MYT1L: variants seen among roughly 807,000 people sequenced by gnomAD.
MYT1L encodes the protein myelin transcription factor 1 like.
Under a neutral mutation model 126.7 loss-of-function variants are expected in MYT1L, and 12 were observed. That is an observed-to-expected ratio of 0.09 (90% CI 0.06 to 0.15). The LOEUF (loss-of-function observed/expected upper bound fraction) is 0.15. Ranked by LOEUF, MYT1L falls within the 10% of genes least tolerant of loss-of-function variation. MYT1L has a pLI of 1.00. For missense variants in MYT1L, 979 were observed against 1,585.2 expected (o/e 0.62, Z 6.49); for synonymous variants, 541 against 604.2 (o/e 0.90, Z 1.53).
At chr2:2,137,872 C>A (rs937817954) in intron 3 of MYT1L, among the ~76,000 whole-genome samples, 2 of 152,034 alleles carry the variant, frequency 1.3e-5, no homozygotes, top group African/African-American at 4.8e-5. Flanking sequence ...TTCTGCACAG[C>A]AAAAGAAACT....
intron 5 of MYT1L, among the ~76,000 whole-genome samples, chr2:1,995,669 G>T (rs957605031): frequency 5.9e-5 from 9 of 152,136 alleles, no homozygotes; most frequent in African/African-American, 1.9e-4. Flanking sequence ...CTCCCGTGTG[G>T]GTTCGAAGCA....
At chr2:1,827,646 G>A (rs1161785277) in intron 21 of MYT1L, 1 of 152,154 alleles carries the variant, frequency 6.6e-6, no homozygotes, top group Non-Finnish European at 1.5e-5. Flanking sequence ...TGTGGAATTT[G>A]GAATCATCAT....
chr2:2,179,796 C>A (rs1487701631), intron 2 of MYT1L, among the ~76,000 whole-genome samples: 1 of 152,200 alleles, frequency 6.6e-6, no homozygotes, highest in East Asian at 1.9e-4. Context: ...GTTTAAGCTG[C>A]TTTGTCCTCT....
At chr2:1,975,544 C>A (rs1225954278) in intron 8 of MYT1L, among the ~76,000 whole-genome samples, 2 of 152,124 alleles carry the variant, frequency 1.3e-5, no homozygotes, top group Non-Finnish European at 2.9e-5. Context: ...TCCTGGCCAA[C>A]ATTGTGAAAC....
intron 1 of MYT1L, among the ~76,000 whole-genome samples, chr2:2,320,724 T>C (rs1225159430): frequency 6.6e-6 from 1 of 152,210 alleles, no homozygotes; most frequent in Non-Finnish European, 1.5e-5. Context: ...ACCTAGTTTC[T>C]ACATTTCCAA....
chr2:1,989,794 C>G (rs11127294), intron 5 of MYT1L, among the ~76,000 whole-genome samples: 32,637 of 152,026 alleles, frequency 0.21, 3,840 homozygotes, highest in East Asian at 0.38. Flanking sequence ...GTCAGGAGTT[C>G]GAGACCAGCC....
chr2:1,871,426 T>C (rs1442145048), intron 18 of MYT1L, among the ~76,000 whole-genome samples: 2 of 152,234 alleles, frequency 1.3e-5, no homozygotes, highest in Non-Finnish European at 2.9e-5. Flanking sequence ...TACCAATTCA[T>C]GCCCTGCAGC....
At position 2,281,222 on chromosome 2, in the gene MYT1L, C is replaced by G. The variant is rs140027899; in HGVS notation, c.-421+3182G>C. 6.3e-3 allele frequency among the ~76,000 whole-genome samples: 955 copies of G among 152,284 alleles called. 7 individuals are homozygous for G. Among genetic ancestry groups the G allele is most frequent in the Non-Finnish European group, 8.9e-3 (608 of 68,030 alleles). On this transcript the variant is annotated intron_variant, in intron 2 of 24. Transcript: ENST00000647738. ...CTTCTCCTTCCTGTGAAGAAGATGC[C>G]TTTCTTCAGCTTTGCCTTCTGCCGT... is the stretch of plus-strand genomic sequence containing the variant.
intron 18 of MYT1L, among the ~76,000 whole-genome samples, chr2:1,857,193 C>G (rs1485914525): frequency 6.6e-6 from 1 of 152,206 alleles, no homozygotes; most frequent in African/African-American, 2.4e-5. Flanking sequence ...CGGGCCAAGA[C>G]CCAGTGGGTC....
intron 2 of MYT1L, among the ~76,000 whole-genome samples, chr2:2,183,277 C>G (rs2091734969): frequency 6.6e-6 from 1 of 151,950 alleles, no homozygotes; most frequent in African/African-American, 2.4e-5. Context: ...GAGGAACGAA[C>G]CTGGGGGAAG....
At position 1,833,037 on chromosome 2, in the gene MYT1L, G is replaced by A. The variant is rs187651187; in HGVS notation, c.3080+6112C>T. Among the ~76,000 whole-genome samples, 361 of 152,320 alleles carry A rather than the reference G, an allele frequency of 2.4e-3. 3 individuals are homozygous for A. The highest frequency in any genetic ancestry group is 8.1e-3 in the African/African-American group (336 of 41,568). ...GCCGAATGAGATGAATGAATGACAC[G>A]TCTGTCGGCGGCTTAGGGGGAGGGT... is the stretch of plus-strand genomic sequence containing the variant. On this transcript the variant is annotated intron_variant, in intron 21 of 24. Coordinates refer to ENST00000647738, the MANE Select transcript of MYT1L (RefSeq NM_001303052.2).
chr2:2,274,841 A>G (rs1395442903), intron 2 of MYT1L, among the ~76,000 whole-genome samples: 2 of 152,204 alleles, frequency 1.3e-5, no homozygotes, highest in Non-Finnish European at 2.9e-5. Context: ...GAGCATGGGC[A>G]GAGGCTGACT....
chr2:2,094,662 T>C (rs969736892), intron 3 of MYT1L, among the ~76,000 whole-genome samples: 2 of 150,398 alleles, frequency 1.3e-5, no homozygotes, highest in African/African-American at 4.9e-5. Flanking sequence ...CTCAGCAAAC[T>C]ATCACAAGGA....
intron 2 of MYT1L, among the ~76,000 whole-genome samples, chr2:2,263,330 C>T (rs749336084): frequency 6.6e-6 from 1 of 151,974 alleles, no homozygotes; most frequent in Non-Finnish European, 1.5e-5. Flanking sequence ...GGGTTAACGA[C>T]GCCCTCTGCT....
chr2:2,155,499 T>C (rs1356432036), intron 3 of MYT1L, among the ~76,000 whole-genome samples: 1 of 152,204 alleles, frequency 6.6e-6, no homozygotes, highest in Non-Finnish European at 1.5e-5. Flanking sequence ...TGTCATCTCA[T>C]CTATTCTCAG....
At chr2:2,184,211 TA>T (rs1403984832) in intron 2 of MYT1L, among the ~76,000 whole-genome samples, 11 of 152,112 alleles carry the variant, frequency 7.2e-5, no homozygotes, top group Non-Finnish European at 1.5e-4. Flanking sequence ...GAATCACTAA[TA>T]AATCATACTG....
chr2:2,010,726 C>A (rs2063741896), intron 4 of MYT1L, among the ~76,000 whole-genome samples: 1 of 152,130 alleles, frequency 6.6e-6, no homozygotes, highest in South Asian at 2.1e-4. Flanking sequence ...TAACATCATA[C>A]AGAACAAAGT....
chr2:1,929,162 G>A lies in MYT1L; in HGVS notation c.506-5899C>T, dbSNP rs1338425555. Among the ~76,000 whole-genome samples, 1 of 152,152 alleles carries A rather than the reference G, an allele frequency of 6.6e-6. No homozygotes were observed. On this transcript the variant is annotated intron_variant, in intron 9 of 24. Coordinates refer to ENST00000647738, the MANE Select transcript of MYT1L (RefSeq NM_001303052.2). The surrounding 1 kb of genome is among the most constrained non-coding windows in gnomAD (Gnocchi z 4.7). ...CACTGCAGTCTCTTTCCTTTCATAA[G>A]AGGGGAGAAGTCACTTTCCCAGCCC...
intron 8 of MYT1L, among the ~76,000 whole-genome samples, chr2:1,978,304 G>T (rs538253832): frequency 6.6e-6 from 1 of 152,312 alleles, no homozygotes; most frequent in East Asian, 1.9e-4. Flanking sequence ...GGTTTGTTAG[G>T]CTGGAATGAC....
Sources: gnomAD v4.1 joint callset for allele counts (sites outside exome capture counted in the v4.1 genomes callset) on GRCh38, gnomAD v4.1.1 for gene constraint, Gnocchi (gnomAD v3.1) non-coding constraint, MANE v1.5 for transcripts, NCBI Gene and HGNC (gene_info 2026-07-23, HGNC 2026-07-21) for gene names.